The following NUP210 variants were observed in gnomAD, a reference collection of about 807,000 sequenced individuals.
NUP210 encodes the protein nucleoporin 210, also known as nuclear pore membrane glycoprotein 210.
NUP210 carries 151 observed loss-of-function variants against 196.0 expected under a neutral mutation model. That is an observed-to-expected ratio of 0.77 (90% CI 0.67 to 0.88). The LOEUF (loss-of-function observed/expected upper bound fraction) is 0.88, where lower values mean the gene tolerates loss of function less well. NUP210 is among the 40% of genes least tolerant of loss of function. The probability of loss-of-function intolerance (pLI) is 0.00; values close to 1 mark genes in which losing one functional copy is unlikely to be tolerated. For missense variants in NUP210, 2,314 were observed against 2,493.7 expected, an observed-to-expected ratio of 0.93 and a Z score of 1.53; for synonymous variants, 1,070 against 1,052.7, an observed-to-expected ratio of 1.02 and a Z score of -0.32.
At chr3:13,367,074 C>T (rs1033033374) in intron 13 of NUP210, among the ~76,000 whole-genome samples, 1 of 151,872 alleles carries the variant, frequency 6.6e-6, no homozygotes, top group Admixed American at 6.5e-5. Context: ...TGCAGTGAGC[C>T]GAAATCGCAC....
In NUP210 at chr3:13,323,498, C is replaced by T; in HGVS notation, c.4645-66G>A. ...TGTCCCGGTCCATGCTGGGCGTTTC[C>T]ACAACCTCACCCTGCAGTCTGTGAC... On this transcript the variant is annotated intron_variant, in intron 33 of 39. Transcript: ENST00000254508. This position sits in a 1 kb window ranked among gnomAD's most constrained non-coding sequence, Gnocchi z 4.3. The T allele has an allele frequency of 1.9e-6, 3 of 1,573,110 alleles. No individual in the cohort carries two copies. The highest frequency in any genetic ancestry group is 1.9e-4 in the Middle Eastern group (1 of 5,276).
At chr3:13,369,665 T>G (rs1457569269) in intron 13 of NUP210, among the ~76,000 whole-genome samples, 1 of 152,242 alleles carries the variant, frequency 6.6e-6, no homozygotes, top group Non-Finnish European at 1.5e-5. Context: ...ATTTGGTAAA[T>G]AGACTGTCCT....
chr3:13,408,010 T>C (rs1451551653), intron 1 of NUP210, among the ~76,000 whole-genome samples: 1 of 152,112 alleles, frequency 6.6e-6, no homozygotes, highest in Non-Finnish European at 1.5e-5. Flanking sequence ...AGGGCTGCCA[T>C]CTTCCATGGA....
chr3:13,365,673 G>A (rs554954694), intron 14 of NUP210, among the ~76,000 whole-genome samples: 8 of 152,298 alleles, frequency 5.3e-5, no homozygotes, highest in Non-Finnish European at 1.5e-5. Context: ...TCCTACCTTC[G>A]TTGGGAGAGG....
intron 33 of NUP210, 150 bp downstream of exon 33, chr3:13,325,645 G>C (rs1696717633): frequency 6.0e-6 from 5 of 827,056 alleles, no homozygotes; most frequent in Non-Finnish European, 5.7e-6. Flanking sequence ...GTCAGAGTCA[G>C]CAAGTGGCCA....
intron 1 of NUP210, among the ~76,000 whole-genome samples, chr3:13,414,671 G>C (rs548498796): frequency 6.6e-6 from 1 of 151,746 alleles, no homozygotes; most frequent in Non-Finnish European, 1.5e-5. Flanking sequence ...TCTCTCCTCC[G>C]GCCCTTTGCA....
At chr3:13,357,584 G>A (rs1366869963) in intron 16 of NUP210, among the ~76,000 whole-genome samples, 3 of 152,134 alleles carry the variant, frequency 2.0e-5, no homozygotes, top group Non-Finnish European at 4.4e-5. Context: ...GGCTGATGCT[G>A]GCCAGAGGAT....
At chr3:13,396,500 C>T (rs998849549) in intron 3 of NUP210, among the ~76,000 whole-genome samples, 2 of 151,286 alleles carry the variant, frequency 1.3e-5, no homozygotes, top group African/African-American at 2.4e-5. Flanking sequence ...GTAATCCCAG[C>T]ACTTTGGGAG....
At position 13,317,152 on chromosome 3, in the gene NUP210, A is replaced by G. The variant is rs571546455; in HGVS notation, c.*529T>C. On this transcript the variant is annotated 3_prime_UTR_variant, in exon 40 of 40. Coordinates refer to ENST00000254508, the MANE Select transcript of NUP210 (RefSeq NM_024923.4). ...CTTCCCTTGCGGCAGTGGCGCAGAT[A>G]CAGGGACACTCATGTCCCATTGCTC... is the stretch of plus-strand genomic sequence containing the variant. The G allele has an allele frequency of 6.4e-6, 1 of 156,910 alleles. No homozygotes were observed. The highest frequency in any genetic ancestry group is 1.9e-4 in the South Asian group (1 of 5,252). The allele number at this position is 156,910 out of a possible 1,614,324, so 9.7% of individuals were successfully genotyped here. A position where few individuals can be genotyped will look rare whatever the true frequency, so the allele number is the denominator to read the frequency against.
intron 1 of NUP210, among the ~76,000 whole-genome samples, chr3:13,417,105 T>C (rs1191408061): frequency 6.6e-6 from 1 of 152,170 alleles, no homozygotes; most frequent in Non-Finnish European, 1.5e-5. Context: ...AATTAGAGCC[T>C]GGCAAATTAG....
At position 13,350,692 on chromosome 3, in the gene NUP210, C is replaced by CTTTT. The variant is rs59291391; in HGVS notation, c.2835+1183_2835+1186dup. Among the ~76,000 whole-genome samples the CTTTT allele has an allele frequency of 1.5e-5, 2 of 131,500 alleles. No homozygotes were observed. Among genetic ancestry groups the CTTTT allele is most frequent in the Non-Finnish European group, 1.6e-5 (1 of 61,166 alleles). 86.3% of individuals were successfully genotyped at this position (131,500 alleles called of 152,430 possible). ...AGTTACAGGAAAAAAAATAGAAATT[C>CTTTT]TTTTTTTTTTTTTTTTTTTGAGATG... On this transcript the variant is annotated intron_variant, in intron 20 of 39. Coordinates refer to ENST00000254508, the MANE Select transcript of NUP210 (RefSeq NM_024923.4). This position sits in a 1 kb window ranked among gnomAD's most constrained non-coding sequence, Gnocchi z 4.1.
At chr3:13,402,154 T>A (rs1699859257) in intron 1 of NUP210, among the ~76,000 whole-genome samples, 1 of 152,172 alleles carries the variant, frequency 6.6e-6, no homozygotes, top group African/African-American at 2.4e-5. Context: ...GAGTTGTGAT[T>A]GTGTCAATGC....
At chr3:13,407,940 T>A (rs894235002) in intron 1 of NUP210, among the ~76,000 whole-genome samples, 2 of 152,056 alleles carry the variant, frequency 1.3e-5, no homozygotes, top group African/African-American at 4.8e-5. Flanking sequence ...ACAGACAAAA[T>A]GAGTGAATGA....
chr3:13,331,737 G>A (rs560447793), intron 29 of NUP210, among the ~76,000 whole-genome samples: 2 of 152,216 alleles, frequency 1.3e-5, no homozygotes, highest in South Asian at 4.1e-4. Flanking sequence ...GGAGTCTCCC[G>A]CTTGGCAACT....
chr3:13,348,486 C>G lies in NUP210; in HGVS notation c.2835+3393G>C. ...TTTTTCCCTAACTTGGAACTCCCCT[C>G]TTCTTGGTAATGGGGAAGTTTTTAT... is the stretch of plus-strand genomic sequence containing the variant. On this transcript the variant is annotated intron_variant, in intron 20 of 39. Transcript: ENST00000254508. This position sits in a 1 kb window ranked among gnomAD's most constrained non-coding sequence, Gnocchi z 4.0. 1.0e-6 allele frequency: 1 copy of G among 985,406 alleles called. No individual in the cohort carries two copies. The allele number at this position is 985,406 out of a possible 1,614,324, so 61.0% of individuals were successfully genotyped here. A position where few individuals can be genotyped will look rare whatever the true frequency, so the allele number is the denominator to read the frequency against.
At position 13,386,223 on chromosome 3, in the gene NUP210, T is replaced by TA. The variant is rs559336122; in HGVS notation, c.817+51dup. On this transcript the variant is annotated intron_variant, in intron 6 of 39. Transcript: ENST00000254508. ...TTTTGTTACATGTATGTAACCACAA[T>TA]AAAAAAAGGAGGAAGGAAGCATCTG... The TA allele has an allele frequency of 4.1e-5, 64 of 1,577,106 alleles. No homozygotes were observed. The East Asian group carries it at 1.3e-3, about 32-fold the overall frequency.
chr3:13,337,937 C>T lies in NUP210; in HGVS notation c.3472-20G>A. On this transcript the variant is annotated intron_variant, in intron 25 of 39. Coordinates refer to ENST00000254508, the MANE Select transcript of NUP210 (RefSeq NM_024923.4). ...GAGGTCCTGGGGAAACAGGGTGGCA[C>T]TTAGGTGTGGGGATGCAGTGCTGGC... 1 of 1,609,862 alleles carries T rather than the reference C, an allele frequency of 6.2e-7. No individual in the cohort carries two copies. Among genetic ancestry groups the T allele is most frequent in the Non-Finnish European group, 8.5e-7 (1 of 1,178,292 alleles).
At chr3:13,327,885 C>T (rs1195707958) in intron 31 of NUP210, among the ~76,000 whole-genome samples, 1 of 152,236 alleles carries the variant, frequency 6.6e-6, no homozygotes, top group East Asian at 1.9e-4. Flanking sequence ...GACCGTGACG[C>T]AGGCCTGGCA....
At chr3:13,376,221 G>A in intron 10 of NUP210, 70 bp downstream of exon 10, 2 of 1,559,486 alleles carry the variant, frequency 1.3e-6, no homozygotes, top group Non-Finnish European at 1.8e-6. Flanking sequence ...GGCCCTCCTG[G>A]GCTGACATTT....
Sources: allele counts gnomAD v4.1 joint callset (sites outside exome capture counted in the v4.1 genomes callset), GRCh38; gene constraint gnomAD v4.1.1; non-coding constraint Gnocchi (gnomAD v3.1); transcripts MANE v1.5; gene names NCBI Gene and HGNC (gene_info 2026-07-23, HGNC 2026-07-21).